Variants in ZNF587B observed in about 807,000 individuals in gnomAD.
The protein encoded by ZNF587B is zinc finger protein 587B.
In ZNF587B, 6 loss-of-function variants were observed where a neutral mutation model predicts 7.2. That is an observed-to-expected ratio of 0.83 (90% CI 0.46 to 1.65). The LOEUF (loss-of-function observed/expected upper bound fraction) is 1.65. Ranked by LOEUF, ZNF587B falls within the 40% of genes most tolerant of loss-of-function variation. The pLI, the probability that ZNF587B is intolerant of heterozygous loss-of-function variation, is 0.01. For synonymous variants in ZNF587B, 274 were observed against 254.3 expected (o/e 1.08, Z -0.74); for missense variants, 749 against 761.0 (o/e 0.98, Z 0.19).
intron 1 of ZNF587B, among the ~76,000 whole-genome samples, chr19:57,836,503 T>A (rs1206974727): frequency 6.6e-6 from 1 of 152,038 alleles, no homozygotes; most frequent in African/African-American, 2.4e-5. Flanking sequence ...ACTCTCTTTT[T>A]ATATATTTAA....
Position 57,841,535 on chromosome 19 carries a change from A to C in ZNF587B, c.861A>C (p.Gln287His). 6.3e-7 allele frequency: 1 copy of C among 1,582,288 alleles called. No individual in the cohort carries two copies. The highest frequency in any genetic ancestry group is 8.6e-7 in the Non-Finnish European group (1 of 1,163,546). The change falls in exon 3 of 3, where the codon CAA becomes CAC. Residue 287 changes from glutamine (Q) to histidine (H), a missense_variant. Physicochemically the swap from Gln to His is conservative, Grantham distance 24 (BLOSUM62 0). Transcript: ENST00000594901. ...KSFSQKSSLI[Q>H]HQQFHTGGKP... Reference sequence around the variant, plus strand: ...TTAGTCAAAAGAGCAGCCTCATTCAACATCAGCAATTTCACACTGGAGGAA... The same window carrying C: ...TTAGTCAAAAGAGCAGCCTCATTCACCATCAGCAATTTCACACTGGAGGAA...
At chr19:57,839,513 C>G (rs2122233746) in intron 2 of ZNF587B, among the ~76,000 whole-genome samples, 2 of 152,348 alleles carry the variant, frequency 1.3e-5, no homozygotes, top group South Asian at 4.1e-4. Context: ...CCTTCACAGA[C>G]TACATCACTG....
rs1352927175 is a variant in ZNF587B at position 57,843,937 on chromosome 19, C to T, written c.*1361C>T. On this transcript the variant is annotated 3_prime_UTR_variant, in exon 3 of 3. Coordinates refer to ENST00000594901, the MANE Select transcript of ZNF587B (RefSeq NM_001376223.1). ...TTTAAATTTATATTTTTTGTAGAGA[C>T]AGGGTCTTGCTGTGTTGCACAGTCT... Among the ~76,000 whole-genome samples, 1 of 152,014 alleles carries T rather than the reference C, an allele frequency of 6.6e-6. No individual in the cohort carries two copies. Among genetic ancestry groups the T allele is most frequent in the Non-Finnish European group, 1.5e-5 (1 of 68,020 alleles).
intron 1 of ZNF587B, among the ~76,000 whole-genome samples, chr19:57,832,327 C>A (rs547434389): frequency 2.0e-5 from 3 of 152,222 alleles, no homozygotes; most frequent in Admixed American, 2.0e-4. Context: ...CATTGTGATC[C>A]GCCCGCCTTG....
In ZNF587B at chr19:57,846,090, T is replaced by C. The variant is rs1989044286; in HGVS notation, c.*3514T>C. On this transcript the variant is annotated 3_prime_UTR_variant, in exon 3 of 3. Transcript: ENST00000594901. ...TCAGAGTCACCATAATGAATTTATC[T>C]AATCTATCACCTTTGTATTTACTTG... The C allele has an allele frequency of 6.6e-6, 1 of 152,220 alleles. No individual in the cohort carries two copies. Among genetic ancestry groups the C allele is most frequent in the Non-Finnish European group, 1.5e-5 (1 of 68,040 alleles). The allele number at this position is 152,220 out of a possible 1,614,324, so 9.4% of individuals were successfully genotyped here.
chr19:57,840,134 T>C (rs1988784321), intron 2 of ZNF587B, among the ~76,000 whole-genome samples: 1 of 142,312 alleles, frequency 7.0e-6, no homozygotes, highest in Non-Finnish European at 1.5e-5. Flanking sequence ...GAGGAGGTCA[T>C]GGAGTCAGGG....
rs770265253 is a variant in ZNF587B, at chr19:57,841,534, A to G, written c.860A>G (p.Gln287Arg). 2.0e-5 allele frequency: 32 copies of G among 1,582,246 alleles called. No individual in the cohort carries two copies. Among genetic ancestry groups the G allele is most frequent in the Non-Finnish European group, 2.6e-5 (30 of 1,163,498 alleles). ...KSFSQKSSLI[Q>R]HQQFHTGGKP... ...TTTAGTCAAAAGAGCAGCCTCATTCAACATCAGCAATTTCACACTGGAGGA... is the reference window on the plus strand; with the variant it reads ...TTTAGTCAAAAGAGCAGCCTCATTCGACATCAGCAATTTCACACTGGAGGA... Residue 287 changes from glutamine (Q) to arginine (R), a missense_variant, in exon 3 of 3, where the codon CAA (glutamine) becomes CGA (arginine). By Grantham distance (43) the Gln-to-Arg change is conservative. This residue lies in a region of ZNF587B where 656 missense variants were observed against 596.5 expected (regional missense o/e 1.10). Transcript: ENST00000594901.
chr19:57,831,222 G>C (rs548134372), intron 1 of ZNF587B, among the ~76,000 whole-genome samples: 1 of 152,222 alleles, frequency 6.6e-6, no homozygotes, highest in East Asian at 1.9e-4. Context: ...GCTCTCTTAT[G>C]TAAGGGAGAG....
At chr19:57,838,905 T>C (rs2122231048) in intron 1 of ZNF587B, 118 bp from the exon 2 acceptor site, 1 of 1,387,412 alleles carries the variant, frequency 7.2e-7, no homozygotes, top group Non-Finnish European at 9.9e-7. Context: ...GGGCCTAGTT[T>C]CTCCTATGTT....
intron 1 of ZNF587B, among the ~76,000 whole-genome samples, chr19:57,837,736 C>T (rs534553804): frequency 2.6e-5 from 4 of 152,162 alleles, no homozygotes; most frequent in South Asian, 2.1e-4. Flanking sequence ...GCATGAGCCA[C>T]GCCCCCGGCC....
intron 1 of ZNF587B, among the ~76,000 whole-genome samples, chr19:57,835,463 TCTC>T (rs1988564409): frequency 2.4e-5 from 3 of 124,724 alleles, no homozygotes; most frequent in Non-Finnish European, 5.1e-5. Context: ...TTCAAGCAAT[TCTC>T]CTGCCTCAGC....
rs552389142 is a variant in ZNF587B, at chr19:57,841,329, T to C, written c.655T>C (p.Ser219Pro). Residue 219 changes from serine to proline, a missense_variant, in exon 3 of 3, where the codon TCC becomes CCC. Around this residue, in one of 3 missense-constraint regions of ZNF587B, gnomAD observed 656 missense variants for 596.5 expected, o/e 1.10. Transcript: ENST00000594901. ...CGGAHYSHGD[S>P]MKHFSTKHIL... ...GGGAGCTCACTATAGCCATGGAGATTCCATGAAACATTTTAGCACCAAACA... is the reference window on the plus strand; with the variant it reads ...GGGAGCTCACTATAGCCATGGAGATCCCATGAAACATTTTAGCACCAAACA... 215 of 1,610,296 alleles carry C rather than the reference T, an allele frequency of 1.3e-4. 1 individual carries two copies. The South Asian group carries it at 2.3e-3, about 17-fold the overall frequency.
chr19:57,839,567 AT>A (rs1484757983), intron 2 of ZNF587B, among the ~76,000 whole-genome samples: 2 of 152,168 alleles, frequency 1.3e-5, no homozygotes, highest in East Asian at 3.9e-4. Flanking sequence ...TTCTTTAGAA[AT>A]TCTCCTTCAA....
In ZNF587B at chr19:57,842,401, A is replaced by C; in HGVS notation, c.1727A>C (p.Lys576Thr). ...CACAGGAGAGTTCACACTGGTCAGA[A>C]GCCTTATGAGTGCAGTGAATGTGGG... Reference protein sequence around the residue: ...TSHRRVHTGQKPYECSECGKS... With the variant: ...TSHRRVHTGQTPYECSECGKS... The change falls in exon 3 of 3, where the codon AAG (lysine) becomes ACG (threonine). Residue 576 changes from lysine (K) to threonine (T), a missense_variant. Around this residue, in one of 3 missense-constraint regions of ZNF587B, gnomAD observed 656 missense variants for 596.5 expected, o/e 1.10. Transcript: ENST00000594901. 3 of 1,600,232 alleles carry C rather than the reference A, an allele frequency of 1.9e-6. No homozygotes were observed. The highest frequency in any genetic ancestry group is 1.7e-6 in the Non-Finnish European group (2 of 1,174,550).
At chr19:57,835,548 C>G (rs574193369) in intron 1 of ZNF587B, among the ~76,000 whole-genome samples, 15 of 132,592 alleles carry the variant, frequency 1.1e-4, no homozygotes, top group African/African-American at 3.8e-4. Flanking sequence ...TTAGTAGAGA[C>G]AGAGTTTTTC....
At position 57,841,309 on chromosome 19, in the gene ZNF587B, C is replaced by T. The variant is rs1471046785; in HGVS notation, c.635C>T (p.Ala212Val). 6.2e-7 allele frequency: 1 copy of T among 1,613,212 alleles called. No individual in the cohort carries two copies. The highest frequency in any genetic ancestry group is 8.5e-7 in the Non-Finnish European group (1 of 1,179,642). ...GTGTCTCCCTTTCAGTGTGGGGGAG[C>T]TCACTATAGCCATGGAGATTCCATG... ...ECVSPFQCGG[A>V]HYSHGDSMKH... The change falls in exon 3 of 3, where the codon GCT becomes GTT. Residue 212 changes from alanine (A) to valine (V), a missense_variant. Physicochemically the swap from Ala to Val is moderately conservative, Grantham distance 64 (BLOSUM62 0). This residue lies in a region of ZNF587B where 656 missense variants were observed against 596.5 expected (regional missense o/e 1.10). Transcript: ENST00000594901.
intron 1 of ZNF587B, among the ~76,000 whole-genome samples, chr19:57,838,782 G>C (rs1006314408): frequency 1.3e-5 from 2 of 152,062 alleles, no homozygotes; most frequent in Non-Finnish European, 2.9e-5. Flanking sequence ...CCATGACCTC[G>C]GCCATACTAG....
Position 57,842,115 on chromosome 19 carries a change from C to T in ZNF587B, c.1441C>T (p.Leu481Phe), listed in dbSNP as rs756512919. The change falls in exon 3 of 3, where the codon CTC becomes TTC. Residue 481 changes from leucine (L) to phenylalanine (F), a missense_variant. Leu to Phe is a conservative substitution (Grantham distance 22, BLOSUM62 0). Around this residue, in one of 3 missense-constraint regions of ZNF587B, gnomAD observed 656 missense variants for 596.5 expected, o/e 1.10. Transcript: ENST00000594901. Reference sequence around the variant, plus strand: ...AAAATTATTTAAGAAGAAGTCTCACCTCCTTGTACACCAGAGAATTCACAG... The same window carrying T: ...AAAATTATTTAAGAAGAAGTCTCACTTCCTTGTACACCAGAGAATTCACAG... ...CGKLFKKKSH[L>F]LVHQRIHSGE... is the part of the protein sequence containing the mutation. 3.2e-5 allele frequency: 52 copies of T among 1,607,748 alleles called. No homozygotes were observed. The highest frequency in any genetic ancestry group is 4.2e-5 in the Non-Finnish European group (50 of 1,176,680).
At chr19:57,831,687 C>T (rs1314576756) in intron 1 of ZNF587B, among the ~76,000 whole-genome samples, 2 of 151,554 alleles carry the variant, frequency 1.3e-5, no homozygotes, top group Admixed American at 1.3e-4. Flanking sequence ...AGCCACCGAG[C>T]CCAGCTTATT....
Sources: gnomAD v4.1 joint callset for allele counts (sites outside exome capture counted in the v4.1 genomes callset) on GRCh38, gnomAD v4.1.1 for gene constraint, gnomAD v4.1.1 regional missense constraint, MANE v1.5 for transcripts, NCBI Gene and HGNC (gene_info 2026-07-23, HGNC 2026-07-21) for gene names.